HS6ST3: variants seen among roughly 807,000 people sequenced by gnomAD.
The protein encoded by HS6ST3 is heparan-sulfate 6-O-sulfotransferase 3.
A neutral mutation model predicts 36.7 loss-of-function variants in HS6ST3; 12 were observed. The ratio of observed to expected loss-of-function variants is 0.33; its 90% CI spans 0.21 to 0.53. The LOEUF (loss-of-function observed/expected upper bound fraction) is 0.53, where lower values mean the gene tolerates loss of function less well. HS6ST3 is among the 20% of genes least tolerant of loss of function. HS6ST3 has a pLI of 0.95. For synonymous variants in HS6ST3, 240 were observed against 257.5 expected (o/e 0.93, Z 0.65); for missense variants, 584 against 640.9 (o/e 0.91, Z 0.96).
chr13:96,751,681 A>G (rs932362663), intron 1 of HS6ST3, among the ~76,000 whole-genome samples: 1 of 152,084 alleles, frequency 6.6e-6, no homozygotes, highest in Non-Finnish European at 1.5e-5. Flanking sequence ...AACTAATTAT[A>G]GTTAATGCAA....
chr13:96,188,846 A>G (rs1183104566), intron 1 of HS6ST3, among the ~76,000 whole-genome samples: 1 of 152,194 alleles, frequency 6.6e-6, no homozygotes, highest in Non-Finnish European at 1.5e-5. Context: ...AAAGATGTGA[A>G]TATGAGTATC....
intron 1 of HS6ST3, among the ~76,000 whole-genome samples, chr13:96,178,617 T>G (rs530197031): frequency 6.6e-6 from 1 of 152,216 alleles, no homozygotes; most frequent in African/African-American, 2.4e-5. Flanking sequence ...TTAGCCTGAT[T>G]ACCATTCTGT....
rs67305199 is a variant in HS6ST3, at chr13:96,464,138, C to CAAAAAAAAAAAAAAAAAAAAAAAAAAAAA, written c.708-368329_708-368328insAAAAAAAAAAAAAAAAAAAAAAAAAAAAA. Among the ~76,000 whole-genome samples the CAAAAAAAAAAAAAAAAAAAAAAAAAAAAA allele has an allele frequency of 7.2e-4, 28 of 38,788 alleles. 6 individuals carry two copies. The highest frequency in any genetic ancestry group is 1.4e-3 in the Non-Finnish European group (27 of 19,902). The allele number at this position is 38,788 out of a possible 152,430, so 25.4% of individuals were successfully genotyped here. ...TCCTCAGGAAAGGACTGTCAGGCCT[C>CAAAAAAAAAAAAAAAAAAAAAAAAAAAAA]AAAAAAAAAAAAAAAAAAAAAAATC... On this transcript the variant is annotated intron_variant, in intron 1 of 1. Transcript: ENST00000376705.
At chr13:96,453,743 A>G (rs920603714) in intron 1 of HS6ST3, among the ~76,000 whole-genome samples, 4 of 152,222 alleles carry the variant, frequency 2.6e-5, no homozygotes, top group African/African-American at 4.8e-5. Context: ...AATCAAATGG[A>G]CAGCAAGACT....
chr13:96,488,860 T>G (rs2055930125), intron 1 of HS6ST3, among the ~76,000 whole-genome samples: 2 of 152,078 alleles, frequency 1.3e-5, no homozygotes, highest in South Asian at 4.1e-4. Flanking sequence ...TTCCTATCAC[T>G]CACCACAAAA....
In HS6ST3 at chr13:96,492,038, G is replaced by T. The variant is rs79257133; in HGVS notation, c.708-340452G>T. ...ACCTTAATGACTATCCTTCTCAATG[G>T]CATATTCATTTTACAGAGGACAAAA... On this transcript the variant is annotated intron_variant, in intron 1 of 1. Coordinates refer to ENST00000376705, the MANE Select transcript of HS6ST3 (RefSeq NM_153456.4). Among the ~76,000 whole-genome samples the T allele has an allele frequency of 9.0e-3, 1,367 of 152,082 alleles. 23 individuals carry two copies. Among genetic ancestry groups the T allele is most frequent in the African/African-American group, 0.032 (1,319 of 41,464 alleles).
At chr13:96,732,799 T>C (rs1297679030) in intron 1 of HS6ST3, among the ~76,000 whole-genome samples, 2 of 152,252 alleles carry the variant, frequency 1.3e-5, no homozygotes, top group African/African-American at 4.8e-5. Flanking sequence ...ATGGGATATC[T>C]TTCCATTTAT....
At chr13:96,584,407 G>A (rs753288017) in intron 1 of HS6ST3, among the ~76,000 whole-genome samples, 7 of 152,110 alleles carry the variant, frequency 4.6e-5, no homozygotes, top group Non-Finnish European at 7.3e-5. Context: ...GCCTCCCAAA[G>A]TGCTGAGATT....
At chr13:96,130,595 A>G (rs995465026) in intron 1 of HS6ST3, among the ~76,000 whole-genome samples, 1 of 152,188 alleles carries the variant, frequency 6.6e-6, no homozygotes, top group Admixed American at 6.5e-5. Context: ...AAAATAACAT[A>G]CCTAACCAAT....
chr13:96,495,905 C>G (rs760186263), intron 1 of HS6ST3, among the ~76,000 whole-genome samples: 1 of 152,226 alleles, frequency 6.6e-6, no homozygotes, highest in East Asian at 1.9e-4. Context: ...GTTCCTTTCC[C>G]TCTTCAGCAT....
At chr13:96,276,897 A>G (rs1385658437) in intron 1 of HS6ST3, among the ~76,000 whole-genome samples, 2 of 152,192 alleles carry the variant, frequency 1.3e-5, no homozygotes, top group Non-Finnish European at 2.9e-5. Context: ...CGCTACCAAG[A>G]TACTGCAAGC....
At chr13:96,536,232 C>T (rs1354978087) in intron 1 of HS6ST3, among the ~76,000 whole-genome samples, 2 of 152,186 alleles carry the variant, frequency 1.3e-5, no homozygotes, top group Non-Finnish European at 2.9e-5. Flanking sequence ...CCTGGTATCT[C>T]TTGGAAACAC....
At chr13:96,104,598 A>G (rs189690814) in intron 1 of HS6ST3, among the ~76,000 whole-genome samples, 96 of 152,232 alleles carry the variant, frequency 6.3e-4, no homozygotes, top group Non-Finnish European at 9.9e-4. Flanking sequence ...ACCCCTAACT[A>G]CTTGCTTTAG....
intron 1 of HS6ST3, among the ~76,000 whole-genome samples, chr13:96,431,152 C>T (rs530029676): frequency 2.6e-5 from 4 of 152,010 alleles, no homozygotes; most frequent in South Asian, 2.1e-4. Flanking sequence ...TGCAGTGAGC[C>T]GAGATTGCTC....
intron 1 of HS6ST3, among the ~76,000 whole-genome samples, chr13:96,257,099 G>A (rs1288510500): frequency 1.3e-5 from 2 of 152,118 alleles, no homozygotes; most frequent in Non-Finnish European, 2.9e-5. Context: ...TTTCTCAGAA[G>A]CTTTAGAGAT....
chr13:96,605,298 AT>A (rs779014579), intron 1 of HS6ST3, among the ~76,000 whole-genome samples: 11 of 152,258 alleles, frequency 7.2e-5, no homozygotes, highest in Non-Finnish European at 1.5e-4. Context: ...AATATATATT[AT>A]TTTGAAAGAA....
At chr13:96,675,524 A>G (rs1430420077) in intron 1 of HS6ST3, among the ~76,000 whole-genome samples, 1 of 152,056 alleles carries the variant, frequency 6.6e-6, no homozygotes, top group African/African-American at 2.4e-5. Context: ...CAAGAAACAA[A>G]TGGGTGGGAA....
chr13:96,584,792 T>TA (rs2138971382), intron 1 of HS6ST3, among the ~76,000 whole-genome samples: 1 of 152,260 alleles, frequency 6.6e-6, no homozygotes, highest in East Asian at 1.9e-4. Context: ...CTAACCATGA[T>TA]ACAGTGCATG....
chr13:96,301,898 TATA>T (rs71113989), intron 1 of HS6ST3, among the ~76,000 whole-genome samples: 22,630 of 137,516 alleles, frequency 0.16, 2,045 homozygotes, highest in African/African-American at 0.26. Flanking sequence ...AGACTCCATC[TATA>T]ATAATAATAA....
Sources: allele counts gnomAD v4.1 joint callset (sites outside exome capture counted in the v4.1 genomes callset), GRCh38; gene constraint gnomAD v4.1.1; transcripts MANE v1.5; gene names NCBI Gene and HGNC (gene_info 2026-07-23, HGNC 2026-07-21).